The following CFAP299 variants were observed in gnomAD, a reference collection of about 807,000 sequenced individuals.
The protein encoded by CFAP299 is cilia and flagella associated protein 299.
CFAP299 carries 21 observed loss-of-function variants against 27.0 expected under a neutral mutation model. The observed-to-expected ratio is 0.78, with a 90% CI of 0.55 to 1.12. The LOEUF is 1.12. CFAP299 is among the 50% of genes most tolerant of loss of function. The probability of loss-of-function intolerance (pLI) is 0.00; values close to 1 mark genes in which losing one functional copy is unlikely to be tolerated. For synonymous variants in CFAP299, 104 were observed against 98.1 expected, an observed-to-expected ratio of 1.06 and a Z score of -0.36; for missense variants, 310 against 276.6, an observed-to-expected ratio of 1.12 and a Z score of -0.86.
At chr4:80,800,506 A>T (rs544665195) in intron 3 of CFAP299, among the ~76,000 whole-genome samples, 1 of 644 alleles carries the variant, frequency 1.6e-3, no homozygotes, top group African/African-American at 3.2e-3. Context: ...ATAATATATT[A>T]TATAATATAT....
Position 80,390,693 on chromosome 4 carries a change from G to A in CFAP299, c.242+27809G>A, listed in dbSNP as rs958501371. On this transcript the variant is annotated intron_variant, in intron 2 of 5. Coordinates refer to ENST00000358105, the MANE Select transcript of CFAP299 (RefSeq NM_152770.3). ...TGTATACATGTATACACACATATATGTGTATATATGTATATATGTATACAC... is the reference window on the plus strand; with the variant it reads ...TGTATACATGTATACACACATATATATGTATATATGTATATATGTATACAC... 3.2e-5 allele frequency among the ~76,000 whole-genome samples: 3 copies of A among 93,826 alleles called. No individual in the cohort carries two copies. The South Asian group carries it at 1.3e-3, about 40-fold the overall frequency. The allele number at this position is 93,826 out of a possible 152,430, so 61.6% of individuals were successfully genotyped here. A position where few individuals can be genotyped will look rare whatever the true frequency, so the allele number is the denominator to read the frequency against.
chr4:80,832,650 G>A (rs1369261056), intron 3 of CFAP299, among the ~76,000 whole-genome samples: 1 of 152,072 alleles, frequency 6.6e-6, no homozygotes, highest in Non-Finnish European at 1.5e-5. Context: ...CTGTTTAAGT[G>A]GATGTTAAGT....
intron 1 of CFAP299, among the ~76,000 whole-genome samples, chr4:80,357,964 T>C (rs1388976515): frequency 6.6e-6 from 1 of 152,182 alleles, no homozygotes; most frequent in East Asian, 1.9e-4. Flanking sequence ...AACTTTTTGA[T>C]ATGGGCATTT....
At chr4:80,862,186 A>C (rs1732419861) in intron 3 of CFAP299, among the ~76,000 whole-genome samples, 1 of 152,172 alleles carries the variant, frequency 6.6e-6, no homozygotes, top group Non-Finnish European at 1.5e-5. Flanking sequence ...CCTAGTCAAC[A>C]TGGTGAAACC....
At chr4:80,614,835 G>C (rs563159581) in intron 3 of CFAP299, among the ~76,000 whole-genome samples, 18 of 152,272 alleles carry the variant, frequency 1.2e-4, no homozygotes, top group African/African-American at 4.1e-4. Flanking sequence ...GAAATGTTTT[G>C]AAATGGTATC....
At chr4:80,907,301 G>T (rs1195581891) in intron 4 of CFAP299, among the ~76,000 whole-genome samples, 1 of 152,126 alleles carries the variant, frequency 6.6e-6, no homozygotes, top group Non-Finnish European at 1.5e-5. Flanking sequence ...CAAGTCTCCA[G>T]GCAGTTGCAA....
chr4:80,652,024 G>T (rs3925214), intron 3 of CFAP299, among the ~76,000 whole-genome samples: 108,304 of 152,058 alleles, frequency 0.71, 41,738 homozygotes, highest in Non-Finnish European at 0.85. Flanking sequence ...GGTTGATTTT[G>T]AAAATACAGA....
At chr4:80,960,273 C>T (rs1738280003) in intron 5 of CFAP299, among the ~76,000 whole-genome samples, 1 of 151,842 alleles carries the variant, frequency 6.6e-6, no homozygotes, top group South Asian at 2.1e-4. Flanking sequence ...CCAAAATTTA[C>T]TCTTCATTTT....
chr4:80,448,820 G>T (rs975854805), intron 2 of CFAP299, among the ~76,000 whole-genome samples: 1 of 152,156 alleles, frequency 6.6e-6, no homozygotes, highest in African/African-American at 2.4e-5. Flanking sequence ...ATATCCTAAT[G>T]AAATTATGAC....
At chr4:80,875,448 T>C (rs942278406) in intron 4 of CFAP299, among the ~76,000 whole-genome samples, 1 of 151,802 alleles carries the variant, frequency 6.6e-6, no homozygotes, top group African/African-American at 2.4e-5. Flanking sequence ...GATCACAAGG[T>C]CAAGAGTTCG....
intron 2 of CFAP299, among the ~76,000 whole-genome samples, chr4:80,451,544 G>A (rs1028614628): frequency 2.6e-4 from 39 of 152,136 alleles, no homozygotes; most frequent in African/African-American, 9.4e-4. Context: ...ATTCAGTACT[G>A]ATAAGTGAAA....
At chr4:80,670,959 A>G (rs1031183465) in intron 3 of CFAP299, among the ~76,000 whole-genome samples, 1 of 152,132 alleles carries the variant, frequency 6.6e-6, no homozygotes, top group Admixed American at 6.5e-5. Context: ...CTCTGATGGT[A>G]GTTTCTTTTG....
intron 3 of CFAP299, among the ~76,000 whole-genome samples, chr4:80,669,944 TA>T (rs562084377): frequency 5.7e-4 from 85 of 148,360 alleles, no homozygotes; most frequent in Middle Eastern, 3.5e-3. Context: ...TTTGTTGTTA[TA>T]AAAAAAAAAC....
intron 3 of CFAP299, among the ~76,000 whole-genome samples, chr4:80,831,463 C>A (rs549933168): frequency 6.6e-6 from 1 of 152,038 alleles, no homozygotes; most frequent in Non-Finnish European, 1.5e-5. Flanking sequence ...CCAACGAGGC[C>A]AATCCTATGA....
intron 3 of CFAP299, among the ~76,000 whole-genome samples, chr4:80,807,259 A>G (rs539145723): frequency 6.6e-6 from 1 of 152,306 alleles, no homozygotes; most frequent in South Asian, 2.1e-4. Flanking sequence ...GCCTACAGAT[A>G]AAGCCAAATA....
Position 80,348,727 on chromosome 4 carries a change from ACC to A in CFAP299, c.111+12850_111+12851del, listed in dbSNP as rs1722873372. Among the ~76,000 whole-genome samples the A allele has an allele frequency of 3.3e-5, 5 of 152,214 alleles. No individual in the cohort carries two copies. The South Asian group carries it at 1.0e-3, about 31-fold the overall frequency. Reference sequence around the variant, plus strand: ...AAAATAAATTTCTGTGATTTGAGCTACCCAGTTTGTGGTATTTTCTTATGGGA... The same window carrying A: ...AAAATAAATTTCTGTGATTTGAGCTACAGTTTGTGGTATTTTCTTATGGGA... On this transcript the variant is annotated intron_variant, in intron 1 of 5. Transcript: ENST00000358105.
intron 4 of CFAP299, among the ~76,000 whole-genome samples, chr4:80,903,031 A>G (rs1178782955): frequency 6.6e-6 from 1 of 152,154 alleles, no homozygotes; most frequent in African/African-American, 2.4e-5. Flanking sequence ...CTAGATTCTT[A>G]GAAATCTTCA....
intron 2 of CFAP299, among the ~76,000 whole-genome samples, chr4:80,504,462 CATATATATATAT>C (rs56729877): frequency 0.042 from 1,582 of 37,796 alleles, 42 homozygotes; most frequent in African/African-American, 0.064. Context: ...TAAAATCTCA[CATATATATATAT>C]ATATATATAT....
chr4:80,498,728 C>T (rs1393143640), intron 2 of CFAP299, among the ~76,000 whole-genome samples: 1 of 152,102 alleles, frequency 6.6e-6, no homozygotes, highest in Non-Finnish European at 1.5e-5. Context: ...TTTGACTCAG[C>T]AATCGGATTA....
Sources: allele counts gnomAD v4.1 joint callset (sites outside exome capture counted in the v4.1 genomes callset), GRCh38; gene constraint gnomAD v4.1.1; transcripts MANE v1.5; gene names NCBI Gene and HGNC (gene_info 2026-07-23, HGNC 2026-07-21).